The following WDR82 variants were observed in gnomAD, a reference collection of about 807,000 sequenced individuals.
WDR82 encodes WD repeat domain 82.
A neutral mutation model predicts 36.1 loss-of-function variants in WDR82; 8 were observed. That is an observed-to-expected ratio of 0.22 (90% CI 0.13 to 0.40). The LOEUF is 0.40. Ranked by LOEUF, WDR82 falls within the 10% of genes least tolerant of loss-of-function variation. The pLI, the probability that WDR82 is intolerant of heterozygous loss-of-function variation, is 1.00. For synonymous variants in WDR82, 129 were observed against 137.8 expected (o/e 0.94, Z 0.45); for missense variants, 185 against 400.5 (o/e 0.46, Z 4.59).
At position 52,255,081 on chromosome 3, in the gene WDR82, T is replaced by G. The variant is rs559323870; in HGVS notation, c.*2409A>C. On this transcript the variant is annotated 3_prime_UTR_variant, in exon 9 of 9. Transcript: ENST00000296490. The stretch of plus-strand genomic sequence containing the variant: ...CCTCAGCCTCCCAAGTAGCTGAGAT[T>G]ATAGGCGCATGCCACCACGCCCGGC... The G allele has an allele frequency of 6.6e-6, 1 of 152,264 alleles. No individual in the cohort carries two copies. The highest frequency in any genetic ancestry group is 1.5e-5 in the Non-Finnish European group (1 of 68,198). 9.4% of individuals were successfully genotyped at this position (152,264 alleles called of 1,614,324 possible).
intron 7 of WDR82, 124 bp from the exon 8 acceptor site, chr3:52,258,802 G>A (rs1459044810): frequency 1.5e-6 from 2 of 1,306,870 alleles, no homozygotes; most frequent in Admixed American, 4.4e-5. Context: ...AGGCAAAATT[G>A]AGAGGGAGGA....
intron 1 of WDR82, among the ~76,000 whole-genome samples, chr3:52,277,086 TAA>T (rs1328461430): frequency 4.1e-5 from 6 of 146,634 alleles, no homozygotes; most frequent in African/African-American, 1.5e-4. Flanking sequence ...ATAATAATAA[TAA>T]TAATAATAAT....
chr3:52,261,125 C>CAAAACA (rs1214573815), intron 4 of WDR82, among the ~76,000 whole-genome samples: 2 of 151,996 alleles, frequency 1.3e-5, no homozygotes, highest in Admixed American at 1.3e-4. Context: ...AACCCTGTCT[C>CAAAACA]AAAACAAAAA....
chr3:52,261,228 A>G, intron 4 of WDR82, 152 bp downstream of exon 4: 1 of 627,582 alleles, frequency 1.6e-6, no homozygotes, highest in East Asian at 2.9e-5. Context: ...CTTAGCAGCT[A>G]CCAACTAAAA....
rs1431288329 is a variant in WDR82 at position 52,257,285 on chromosome 3, T to C, written c.*205A>G. On this transcript the variant is annotated 3_prime_UTR_variant, in exon 9 of 9. Transcript: ENST00000296490. ...AGAAAAGCTGAGTTCCAATTGAGTC[T>C]GTTGCACCAAGAGTCCTTTTGAAGA... 7.7e-6 allele frequency: 5 copies of C among 646,572 alleles called. No homozygotes were observed. The African/African-American group carries it at 9.2e-5, about 12-fold the overall frequency. The allele number at this position is 646,572 out of a possible 1,614,324, so 40.1% of individuals were successfully genotyped here.
chr3:52,267,872 A>C lies in WDR82; in HGVS notation c.260-854T>G, dbSNP rs551660515. The C allele has an allele frequency of 4.5e-5, 7 of 155,824 alleles. No individual in the cohort carries two copies. The South Asian group carries it at 1.3e-3, about 29-fold the overall frequency. The allele number at this position is 155,824 out of a possible 1,614,324, so 9.7% of individuals were successfully genotyped here. On this transcript the variant is annotated intron_variant, in intron 2 of 8. Transcript: ENST00000296490. The stretch of plus-strand genomic sequence containing the variant: ...TTAAAAAGACTAGGAATAAGGAAAA[A>C]TTGTTGAGAAACAGCTAAGGGAAAA...
In WDR82 at chr3:52,267,092, A is replaced by G. The variant is rs2107337088; in HGVS notation, c.260-74T>C. On this transcript the variant is annotated intron_variant, in intron 2 of 8. Coordinates refer to ENST00000296490, the MANE Select transcript of WDR82 (RefSeq NM_025222.4). ...ATTTACTTTACATTTTCATCTTAAAAAGACAAGGTCAAATAATCCATTGTA... is the reference window on the plus strand; with the variant it reads ...ATTTACTTTACATTTTCATCTTAAAGAGACAAGGTCAAATAATCCATTGTA... The G allele has an allele frequency of 4.1e-6, 5 of 1,225,974 alleles. No homozygotes were observed. In the South Asian group the frequency reaches 6.2e-5, roughly 15 times the overall value. The allele number at this position is 1,225,974 out of a possible 1,614,324, so 75.9% of individuals were successfully genotyped here.
intron 2 of WDR82, 80 bp from the exon 3 acceptor site, chr3:52,267,098 AG>A: frequency 8.8e-7 from 1 of 1,142,392 alleles, no homozygotes; most frequent in Non-Finnish European, 1.3e-6. Flanking sequence ...TAAAAAGACA[AG>A]GTCAAATAAT....
At chr3:52,259,342 G>A in intron 6 of WDR82, 76 bp from the exon 7 acceptor site, 4 of 1,366,020 alleles carry the variant, frequency 2.9e-6, no homozygotes, top group Non-Finnish European at 4.2e-6. Context: ...CACTGACTCA[G>A]CACATGCATC....
intron 4 of WDR82, among the ~76,000 whole-genome samples, chr3:52,260,783 A>G (rs775940817): frequency 6.6e-6 from 1 of 152,278 alleles, no homozygotes; most frequent in Non-Finnish European, 1.5e-5. Flanking sequence ...TTACAGACAC[A>G]GAATTCAAAT....
At chr3:52,259,484 CTT>C (rs754708707) in intron 6 of WDR82, among the ~76,000 whole-genome samples, 6 of 152,194 alleles carry the variant, frequency 3.9e-5, no homozygotes, top group Non-Finnish European at 8.8e-5. Context: ...GGCAAGAAAA[CTT>C]TATTGTTAGG....
intron 2 of WDR82, among the ~76,000 whole-genome samples, chr3:52,269,336 G>A (rs935602142): frequency 1.3e-5 from 2 of 152,198 alleles, no homozygotes; most frequent in East Asian, 1.9e-4. Context: ...TTAGCCGGGC[G>A]TGTTGGTGGG....
intron 1 of WDR82, among the ~76,000 whole-genome samples, chr3:52,271,529 T>C (rs144760316): frequency 5.3e-5 from 8 of 151,848 alleles, no homozygotes; most frequent in Non-Finnish European, 1.2e-4. Context: ...TATGAGAATA[T>C]GTCAAACCCA....
chr3:52,274,989 G>A lies in WDR82; in HGVS notation c.161+3212C>T, dbSNP rs566494815. On this transcript the variant is annotated intron_variant, in intron 1 of 8. Coordinates refer to ENST00000296490, the MANE Select transcript of WDR82 (RefSeq NM_025222.4). ...TGCAATCCCAGCACTTTGGGAGGCCGAGGCGGCGGATCACCTGAGGTCGGG... is the reference window on the plus strand; with the variant it reads ...TGCAATCCCAGCACTTTGGGAGGCCAAGGCGGCGGATCACCTGAGGTCGGG... Among the ~76,000 whole-genome samples the A allele has an allele frequency of 3.9e-4, 60 of 152,320 alleles. No homozygotes were observed. The South Asian group carries it at 5.4e-3, about 14-fold the overall frequency.
intron 8 of WDR82, among the ~76,000 whole-genome samples, 169 bp downstream of exon 8, chr3:52,258,367 A>G (rs953708783): frequency 1.3e-5 from 2 of 152,210 alleles, no homozygotes; most frequent in Non-Finnish European, 2.9e-5. Flanking sequence ...CAGCCCAGCC[A>G]GAGATCAAAT....
In WDR82 at chr3:52,255,232, G is replaced by A. The variant is rs144285375; in HGVS notation, c.*2258C>T. On this transcript the variant is annotated 3_prime_UTR_variant, in exon 9 of 9. Transcript: ENST00000296490. Reference sequence around the variant, plus strand: ...GCTGGGATTACAGGTGTGAGCCACCGCGCCCAGCCTTGAGGTGGCATGTTT... The same window carrying A: ...GCTGGGATTACAGGTGTGAGCCACCACGCCCAGCCTTGAGGTGGCATGTTT... The A allele has an allele frequency of 3.8e-3, 576 of 150,232 alleles. 2 individuals are homozygous for A. The highest frequency in any genetic ancestry group is 0.01 in the Middle Eastern group (3 of 294). 9.3% of individuals were successfully genotyped at this position (150,232 alleles called of 1,614,324 possible).
Position 52,272,543 on chromosome 3 carries a change from C to CAAAAAAAA in WDR82, c.162-1742_162-1735dup, listed in dbSNP as rs538212712. Among the ~76,000 whole-genome samples the CAAAAAAAA allele has an allele frequency of 1.6e-4, 16 of 100,308 alleles. 1 individual carries two copies. Among genetic ancestry groups the CAAAAAAAA allele is most frequent in the Non-Finnish European group, 2.2e-4 (11 of 49,988 alleles). The allele number at this position is 100,308 out of a possible 152,430, so 65.8% of individuals were successfully genotyped here. The stretch of plus-strand genomic sequence containing the variant: ...TGGGCAACAGAGCAAGACTCCATCT[C>CAAAAAAAA]AAAAAAAAAAAAAAGAAAAATAAAA... On this transcript the variant is annotated intron_variant, in intron 1 of 8. Coordinates refer to ENST00000296490, the MANE Select transcript of WDR82 (RefSeq NM_025222.4).
intron 1 of WDR82, among the ~76,000 whole-genome samples, chr3:52,277,962 A>C (rs1048662784): frequency 6.6e-6 from 1 of 152,216 alleles, no homozygotes; most frequent in Non-Finnish European, 1.5e-5. Context: ...CATAGCGCTC[A>C]AAGGAGACCG....
Position 52,278,506 on chromosome 3 carries a change from T to A in WDR82, c.-145A>T. On this transcript the variant is annotated 5_prime_UTR_variant, in exon 1 of 9. Transcript: ENST00000296490. ...GTCGGCCAACAGTTGGGCCGCCTCC[T>A]CCTCTTCTTCCTGCTTGGTCGAGGG... 1 of 626,238 alleles carries A rather than the reference T, an allele frequency of 1.6e-6. No individual in the cohort carries two copies. The highest frequency in any genetic ancestry group is 2.3e-6 in the Non-Finnish European group (1 of 436,854). 38.8% of individuals were successfully genotyped at this position (626,238 alleles called of 1,614,324 possible). A position where few individuals can be genotyped will look rare whatever the true frequency, so the allele number is the denominator to read the frequency against.
Sources: allele counts gnomAD v4.1 joint callset (sites outside exome capture counted in the v4.1 genomes callset), GRCh38; gene constraint gnomAD v4.1.1; transcripts MANE v1.5; gene names NCBI Gene and HGNC (gene_info 2026-07-23, HGNC 2026-07-21).